CNTN5: variants seen among roughly 807,000 people sequenced by gnomAD.
CNTN5 encodes the protein contactin 5.
In CNTN5, 77 loss-of-function variants were observed where a neutral mutation model predicts 129.1. That is an observed-to-expected ratio of 0.60 (90% CI 0.50 to 0.72). The LOEUF is 0.72. Ranked by LOEUF, CNTN5 falls within the 30% of genes least tolerant of loss-of-function variation. CNTN5 has a pLI of 0.00. For synonymous variants in CNTN5, 509 were observed against 465.6 expected (o/e 1.09, Z -1.20); for missense variants, 1,478 against 1,328.8 (o/e 1.11, Z -1.75).
intron 1 of CNTN5, among the ~76,000 whole-genome samples, chr11:99,197,502 T>A (rs1858962954): frequency 6.6e-6 from 1 of 152,074 alleles, no homozygotes. Context: ...ATCTACTCAA[T>A]AATACATGAA....
rs542293266 is a variant in CNTN5, at chr11:100,304,013, A to G, written c.2621-4346A>G. Among the ~76,000 whole-genome samples, 6 of 151,638 alleles carry G rather than the reference A, an allele frequency of 4.0e-5. No homozygotes were observed. The South Asian group carries it at 1.2e-3, about 31-fold the overall frequency. On this transcript the variant is annotated intron_variant, in intron 20 of 24. Transcript: ENST00000524871. ...GCTGTTGCTCTAAGGGTCTCTTGGG[A>G]AGGGATCTCTTGGAAAGTCAGATGT...
intron 13 of CNTN5, among the ~76,000 whole-genome samples, chr11:100,093,115 C>T (rs1326322348): frequency 1.3e-5 from 2 of 152,060 alleles, no homozygotes; most frequent in African/African-American, 2.4e-5. Context: ...CATACATGTT[C>T]TGCAACAGTG....
chr11:99,426,162 A>T (rs2135079186), intron 2 of CNTN5, among the ~76,000 whole-genome samples: 1 of 152,280 alleles, frequency 6.6e-6, no homozygotes, highest in South Asian at 2.1e-4. Context: ...AAATCTGACT[A>T]TTTCTCTTTT....
chr11:99,748,547 ATAAT>A (rs1944132729), intron 3 of CNTN5, among the ~76,000 whole-genome samples: 1 of 152,176 alleles, frequency 6.6e-6, no homozygotes, highest in Admixed American at 6.5e-5. Flanking sequence ...AAGCCAATGT[ATAAT>A]TAAATGAGAG....
At chr11:99,577,762 A>G (rs942972794) in intron 3 of CNTN5, among the ~76,000 whole-genome samples, 4 of 152,100 alleles carry the variant, frequency 2.6e-5, no homozygotes, top group Admixed American at 6.6e-5. Flanking sequence ...TAAAATGTTT[A>G]AAGATGATTC....
At chr11:99,325,671 T>C (rs1865754865) in intron 2 of CNTN5, among the ~76,000 whole-genome samples, 187 bp downstream of exon 2, 1 of 152,218 alleles carries the variant, frequency 6.6e-6, no homozygotes, top group African/African-American at 2.4e-5. Flanking sequence ...GTCAGTAACA[T>C]AAATGCTCTA....
chr11:99,733,500 A>G (rs1178431326), intron 3 of CNTN5, among the ~76,000 whole-genome samples: 4 of 152,058 alleles, frequency 2.6e-5, no homozygotes, highest in African/African-American at 9.7e-5. Flanking sequence ...TGGAAACTGA[A>G]TAAAGGTGGT....
chr11:99,173,052 C>T (rs1261760174), intron 1 of CNTN5, among the ~76,000 whole-genome samples: 2 of 152,096 alleles, frequency 1.3e-5, no homozygotes, highest in Non-Finnish European at 2.9e-5. Flanking sequence ...CAGGGCAACT[C>T]CCATTTTTAA....
intron 3 of CNTN5, among the ~76,000 whole-genome samples, chr11:99,666,233 G>T (rs1406738020): frequency 6.6e-6 from 1 of 152,160 alleles, no homozygotes; most frequent in Non-Finnish European, 1.5e-5. Context: ...CTCCCGAAGT[G>T]CTTGGATTAT....
At chr11:100,337,088 TC>T (rs745591735) in intron 21 of CNTN5, 30 of 1,338,380 alleles carry the variant, frequency 2.2e-5, no homozygotes, top group Non-Finnish European at 3.2e-5. Context: ...CTTGTAGGGA[TC>T]ATCAGACATG....
chr11:100,085,351 A>ATTTTGGG (rs1944508390), intron 13 of CNTN5, among the ~76,000 whole-genome samples: 1 of 152,056 alleles, frequency 6.6e-6, no homozygotes, highest in Admixed American at 6.6e-5. Context: ...TAATCAGCAC[A>ATTTTGGG]ACAAAACTTC....
chr11:99,035,815 G>A (rs1863691329), intron 1 of CNTN5, among the ~76,000 whole-genome samples: 2 of 149,326 alleles, frequency 1.3e-5, no homozygotes, highest in South Asian at 2.1e-4. Context: ...CTGTCATTAT[G>A]ATGTTAGCTG....
chr11:99,635,405 TACATATTTTTAAACAGCCTGGAC>T (rs1951513532), intron 3 of CNTN5, among the ~76,000 whole-genome samples: 1 of 152,108 alleles, frequency 6.6e-6, no homozygotes, highest in Non-Finnish European at 1.5e-5. Context: ...AATTAGAGAT[TACATATTTTTAAACAGCCTGGAC>T]AGCGTAGAGC....
chr11:99,840,096 G>C (rs1026464704), intron 4 of CNTN5, among the ~76,000 whole-genome samples: 21 of 152,052 alleles, frequency 1.4e-4, no homozygotes, highest in African/African-American at 4.3e-4. Flanking sequence ...CATAAAATCT[G>C]GTCACTTAAA....
intron 1 of CNTN5, among the ~76,000 whole-genome samples, chr11:99,080,491 G>A (rs1220174034): frequency 6.6e-6 from 1 of 152,112 alleles, no homozygotes; most frequent in African/African-American, 2.4e-5. Flanking sequence ...TTTTGCCACA[G>A]TCCACTGCGT....
chr11:99,142,290 C>A (rs1271784167), intron 1 of CNTN5, among the ~76,000 whole-genome samples: 3 of 105,486 alleles, frequency 2.8e-5, no homozygotes, highest in Non-Finnish European at 5.6e-5. Flanking sequence ...TGATAGCATG[C>A]AGTGGAGTTG....
intron 3 of CNTN5, among the ~76,000 whole-genome samples, chr11:99,765,708 G>A (rs932053035): frequency 6.6e-6 from 1 of 151,000 alleles, no homozygotes; most frequent in Non-Finnish European, 1.5e-5. Flanking sequence ...GACAACTATA[G>A]AAGAGTCTAC....
At chr11:99,363,016 T>C (rs1284950035) in intron 2 of CNTN5, among the ~76,000 whole-genome samples, 2 of 152,032 alleles carry the variant, frequency 1.3e-5, no homozygotes, top group Non-Finnish European at 2.9e-5. Context: ...TGAGATTCCA[T>C]GTGAATTTTT....
chr11:99,061,159 A>G (rs2135211400), intron 1 of CNTN5, among the ~76,000 whole-genome samples: 1 of 152,292 alleles, frequency 6.6e-6, no homozygotes, highest in South Asian at 2.1e-4. Flanking sequence ...CTGTGATCCA[A>G]CAGGTTGTAA....
Sources: gnomAD v4.1 joint callset for allele counts (sites outside exome capture counted in the v4.1 genomes callset) on GRCh38, gnomAD v4.1.1 for gene constraint, MANE v1.5 for transcripts, NCBI Gene and HGNC (gene_info 2026-07-23, HGNC 2026-07-21) for gene names.